Variants in ADGRL4 observed in about 807,000 individuals in gnomAD.
The protein encoded by ADGRL4 is EGF, latrophilin and seven transmembrane domain containing 1.
Under a neutral mutation model 74.8 loss-of-function variants are expected in ADGRL4, and 90 were observed. The observed-to-expected ratio is 1.20, with a 90% CI of 1.02 to 1.43. ADGRL4 has a LOEUF of 1.43. Ranked by LOEUF, ADGRL4 falls within the 40% of genes most tolerant of loss-of-function variation. ADGRL4 has a pLI of 0.00. For synonymous variants in ADGRL4, 311 were observed against 279.2 expected, an observed-to-expected ratio of 1.11 and a Z score of -1.14; for missense variants, 881 against 814.3, an observed-to-expected ratio of 1.08 and a Z score of -1.00.
At chr1:78,938,992 T>C (rs1010893366) in intron 4 of ADGRL4, among the ~76,000 whole-genome samples, 196 bp downstream of exon 4, 1 of 152,064 alleles carries the variant, frequency 6.6e-6, no homozygotes, top group Non-Finnish European at 1.5e-5. Flanking sequence ...GTAAAAGGCC[T>C]CTTGAATAAT....
chr1:78,937,714 G>T, intron 6 of ADGRL4, 93 bp downstream of exon 6: 1 of 1,124,286 alleles, frequency 8.9e-7, no homozygotes. Context: ...ATCAATACTA[G>T]TTTCAACACC....
intron 6 of ADGRL4, 79 bp from the exon 7 acceptor site, chr1:78,936,490 ATT>A: frequency 8.2e-7 from 1 of 1,212,856 alleles, no homozygotes; most frequent in Non-Finnish European, 1.1e-6. Context: ...CTTAGAGACA[ATT>A]TCATCCATCA....
Position 78,891,118 on chromosome 1 carries a change from T to C in ADGRL4, c.*36A>G, listed in dbSNP as rs934531375. 12 of 1,601,862 alleles carry C rather than the reference T, an allele frequency of 7.5e-6. No individual in the cohort carries two copies. Among genetic ancestry groups the C allele is most frequent in the Non-Finnish European group, 1.0e-5 (12 of 1,169,798 alleles). On this transcript the variant is annotated 3_prime_UTR_variant, in exon 15 of 15. Transcript: ENST00000370742. ...GTCATCCACAGCTTGGAATTTTTAT[T>C]TTTGTGCAGTTGTAATTATCCACCA...
chr1:78,917,709 T>G lies in ADGRL4; in HGVS notation c.1683-9A>C. On this transcript the variant is annotated splice_polypyrimidine_tract_variant and intron_variant, in intron 11 of 14. Transcript: ENST00000370742. ...CGGTGCTAAGCCAACATCTGAAAAG[T>G]AAATAAAAGATAGAATCTATAAATA... 6.2e-7 allele frequency: 1 copy of G among 1,603,910 alleles called. No homozygotes were observed. The highest frequency in any genetic ancestry group is 8.5e-7 in the Non-Finnish European group (1 of 1,174,560).
In ADGRL4 at chr1:78,911,606, A is replaced by G. The variant is rs1570220818; in HGVS notation, c.1749+6028T>C. ...CTTATTCACTAATATTTTAAAAATC[A>G]AGATCTAAACACACACACACACACA... On this transcript the variant is annotated intron_variant, in intron 12 of 14. Coordinates refer to ENST00000370742, the MANE Select transcript of ADGRL4 (RefSeq NM_022159.4). Among the ~76,000 whole-genome samples the G allele has an allele frequency of 9.5e-5, 3 of 31,432 alleles. 1 individual carries two copies. Among genetic ancestry groups the G allele is most frequent in the Admixed American group, 5.0e-4 (1 of 2,010 alleles). The allele number at this position is 31,432 out of a possible 152,430, so 20.6% of individuals were successfully genotyped here.
At chr1:78,952,296 CCT>C (rs1189127434) in intron 2 of ADGRL4, among the ~76,000 whole-genome samples, 14 of 147,458 alleles carry the variant, frequency 9.5e-5, no homozygotes, top group Non-Finnish European at 3.0e-5. Flanking sequence ...TAAAACAGGC[CCT>C]CTGTGTCAAA....
At chr1:78,947,257 G>A (rs1178938812) in intron 2 of ADGRL4, among the ~76,000 whole-genome samples, 2 of 152,062 alleles carry the variant, frequency 1.3e-5, no homozygotes, top group African/African-American at 4.8e-5. Flanking sequence ...TAGGCCCTTT[G>A]GATATGTTAT....
chr1:78,960,500 G>A (rs368096141), intron 2 of ADGRL4, among the ~76,000 whole-genome samples: 30 of 152,234 alleles, frequency 2.0e-4, no homozygotes, highest in African/African-American at 7.2e-4. Flanking sequence ...CTGTGTCTCA[G>A]ATCATACACA....
At chr1:78,995,493 G>A (rs930781559) in intron 2 of ADGRL4, among the ~76,000 whole-genome samples, 1 of 152,168 alleles carries the variant, frequency 6.6e-6, no homozygotes, top group Non-Finnish European at 1.5e-5. Context: ...AGTACAAAGA[G>A]TAGATAAAGC....
chr1:78,948,653 T>C (rs1649661887), intron 2 of ADGRL4, among the ~76,000 whole-genome samples: 1 of 152,104 alleles, frequency 6.6e-6, no homozygotes, highest in Non-Finnish European at 1.5e-5. Context: ...TAAATAAATA[T>C]ATGATGCAAC....
At chr1:78,906,349 A>C (rs1648634672) in intron 12 of ADGRL4, among the ~76,000 whole-genome samples, 1 of 152,028 alleles carries the variant, frequency 6.6e-6, no homozygotes, top group African/African-American at 2.4e-5. Context: ...ATATTTTAAT[A>C]GTGGTTTTTT....
At chr1:78,898,619 C>A (rs1391394230) in intron 12 of ADGRL4, among the ~76,000 whole-genome samples, 1 of 151,388 alleles carries the variant, frequency 6.6e-6, no homozygotes, top group African/African-American at 2.4e-5. Flanking sequence ...CTTTGAAATT[C>A]AATGCTGCAC....
intron 8 of ADGRL4, among the ~76,000 whole-genome samples, chr1:78,924,567 G>A (rs1649074225): frequency 6.6e-6 from 1 of 152,024 alleles, no homozygotes; most frequent in South Asian, 2.1e-4. Flanking sequence ...CAGAGCCTTG[G>A]AAAGGATGTC....
chr1:78,926,753 C>A, intron 8 of ADGRL4, 133 bp downstream of exon 8: 1 of 643,270 alleles, frequency 1.6e-6, no homozygotes, highest in Non-Finnish European at 2.6e-6. Flanking sequence ...TTAGTTAAAA[C>A]TACTTCACTC....
intron 12 of ADGRL4, among the ~76,000 whole-genome samples, chr1:78,912,756 A>G (rs540479371): frequency 1.3e-5 from 2 of 151,970 alleles, no homozygotes; most frequent in South Asian, 2.1e-4. Flanking sequence ...AGGGTAAGTC[A>G]TGCACCCCTA....
At chr1:78,943,195 T>C (rs1038240633) in intron 3 of ADGRL4, among the ~76,000 whole-genome samples, 2 of 152,152 alleles carry the variant, frequency 1.3e-5, no homozygotes, top group Non-Finnish European at 2.9e-5. Context: ...TCTACAATTA[T>C]CATCGAGTGC....
intron 12 of ADGRL4, among the ~76,000 whole-genome samples, chr1:78,894,333 G>A (rs936317030): frequency 2.6e-5 from 4 of 151,774 alleles, no homozygotes; most frequent in African/African-American, 4.8e-5. Flanking sequence ...AGGAAATCTC[G>A]GAAGAATAAG....
intron 12 of ADGRL4, among the ~76,000 whole-genome samples, chr1:78,916,152 T>A (rs914891551): frequency 3.2e-4 from 49 of 151,852 alleles, no homozygotes; most frequent in African/African-American, 1.2e-3. Flanking sequence ...CATAAAATAA[T>A]CCAAATTAGC....
chr1:78,995,853 C>T (rs1192734145), intron 2 of ADGRL4, among the ~76,000 whole-genome samples: 1 of 152,044 alleles, frequency 6.6e-6, no homozygotes, highest in Non-Finnish European at 1.5e-5. Flanking sequence ...ATATACATAA[C>T]AAATTTGAAG....
Sources: gnomAD v4.1 joint callset for allele counts (sites outside exome capture counted in the v4.1 genomes callset) on GRCh38, gnomAD v4.1.1 for gene constraint, MANE v1.5 for transcripts, NCBI Gene and HGNC (gene_info 2026-07-23, HGNC 2026-07-21) for gene names.